Variants in CLIC2 observed in about 807,000 individuals in gnomAD.
The protein encoded by CLIC2 is CLIC family member 2, also known as chloride intracellular channel protein 2.
CLIC2 carries 9 observed loss-of-function variants against 14.8 expected under a neutral mutation model. That is an observed-to-expected ratio of 0.61 (90% CI 0.37 to 1.06). The LOEUF is 1.06. Ranked by LOEUF, CLIC2 falls within the 50% of genes least tolerant of loss-of-function variation. The pLI is 0.01. For synonymous variants in CLIC2, 61 were observed against 66.3 expected, an observed-to-expected ratio of 0.92 and a Z score of 0.39; for missense variants, 148 against 181.4, an observed-to-expected ratio of 0.82 and a Z score of 1.06.
At chrX:155,328,602 C>T (rs915738736) in intron 1 of CLIC2, among the ~76,000 whole-genome samples, 1 of 108,951 alleles carries the variant, frequency 9.2e-6, no homozygotes, top group Admixed American at 9.7e-5. Flanking sequence ...TTAATGCAAT[C>T]CCTATCAAAA....
chrX:155,326,818 G>GA (rs782344080), intron 1 of CLIC2, among the ~76,000 whole-genome samples: 3 of 110,482 alleles, frequency 2.7e-5, no homozygotes, highest in South Asian at 7.6e-4. Flanking sequence ...GCTGAGTGGG[G>GA]AAAAAAAAGA....
chrX:155,309,874 G>A (rs782112376), intron 1 of CLIC2, among the ~76,000 whole-genome samples: 10 of 111,637 alleles, frequency 9.0e-5, no homozygotes, highest in Admixed American at 3.8e-4. Flanking sequence ...CAAATCTCAT[G>A]TCTTCACATT....
At chrX:155,290,154 T>C (rs1557317439) in intron 3 of CLIC2, among the ~76,000 whole-genome samples, 1 of 112,272 alleles carries the variant, frequency 8.9e-6, no homozygotes, top group Admixed American at 9.5e-5. Flanking sequence ...TATGTTGAAC[T>C]CTTTTCTAGC....
intron 3 of CLIC2, among the ~76,000 whole-genome samples, chrX:155,287,838 C>A (rs1425265818): frequency 9.0e-6 from 1 of 111,715 alleles, no homozygotes; most frequent in Non-Finnish European, 1.9e-5. Context: ...TTGCTTTGGG[C>A]AGTATGGTCA....
intron 1 of CLIC2, among the ~76,000 whole-genome samples, chrX:155,325,583 A>C (rs1291373185): frequency 9.5e-6 from 1 of 105,167 alleles, no homozygotes; most frequent in Non-Finnish European, 2.0e-5. Context: ...CACTGGAGCC[A>C]GTTGCGGAGT....
intron 1 of CLIC2, among the ~76,000 whole-genome samples, chrX:155,319,661 G>T (rs909140901): frequency 9.0e-6 from 1 of 111,481 alleles, no homozygotes; most frequent in African/African-American, 3.3e-5. Flanking sequence ...CTAGCTGCAG[G>T]AGTTTTTTTT....
chrX:155,294,627 A>G (rs1411204399), intron 3 of CLIC2, among the ~76,000 whole-genome samples: 1 of 111,968 alleles, frequency 8.9e-6, no homozygotes, highest in Non-Finnish European at 1.9e-5. Context: ...AAATTGATAA[A>G]CTGCCAGCTA....
chrX:155,277,670 C>T lies in CLIC2; in HGVS notation c.*233G>A, dbSNP rs2074903248. 8.6e-6 allele frequency: 3 copies of T among 350,582 alleles called. No individual in the cohort carries two copies. The East Asian group carries it at 1.5e-4, about 18-fold the overall frequency. 28.9% of individuals were successfully genotyped at this position (350,582 alleles called of 1,213,427 possible). ...AGATTGTGATGCTTTCCATGTCATT[C>T]AGGATTGCAGTGGTTTGCCATACAG... is the stretch of plus-strand genomic sequence containing the variant. On this transcript the variant is annotated 3_prime_UTR_variant, in exon 6 of 6. Coordinates refer to ENST00000369449, the MANE Select transcript of CLIC2 (RefSeq NM_001289.6).
chrX:155,298,666 T>C, intron 3 of CLIC2, 119 bp downstream of exon 3: 9 of 785,925 alleles, frequency 1.1e-5, no homozygotes, highest in South Asian at 2.2e-5. Flanking sequence ...ATGTGTGTCA[T>C]TTGACATGTA....
chrX:155,309,674 G>C (rs1557320358), intron 1 of CLIC2: 1 of 170,227 alleles, frequency 5.9e-6, no homozygotes, highest in South Asian at 9.0e-5. Context: ...AGTGAAAGGG[G>C]CCCTTATAAA....
chrX:155,305,241 GC>G (rs1406592943), intron 1 of CLIC2, among the ~76,000 whole-genome samples: 2 of 112,321 alleles, frequency 1.8e-5, no homozygotes, highest in South Asian at 3.7e-4. Flanking sequence ...GACTCCGTGG[GC>G]GTGGGACCCT....
At position 155,304,833 on chromosome X, in the gene CLIC2, C is replaced by A. The variant is rs1261488242; in HGVS notation, c.58-5688G>T. Among the ~76,000 whole-genome samples, 4 of 82,110 alleles carry A rather than the reference C, an allele frequency of 4.9e-5. No homozygotes were observed. The East Asian group carries it at 1.3e-3, about 26-fold the overall frequency. The allele number at this position is 82,110 out of a possible 115,157, so 71.3% of individuals were successfully genotyped here. On this transcript the variant is annotated intron_variant, in intron 1 of 5. Coordinates refer to ENST00000369449, the MANE Select transcript of CLIC2 (RefSeq NM_001289.6). ...CTCAGCTGCAGGTCTGTTGGAGTAC[C>A]CTGCCGTGTGAGGTGTCAGTGTGCC...
chrX:155,318,749 CA>C (rs1427501949), intron 1 of CLIC2, among the ~76,000 whole-genome samples: 1 of 111,738 alleles, frequency 8.9e-6, no homozygotes, highest in African/African-American at 3.3e-5. Flanking sequence ...GCCCACATAG[CA>C]AAAGAAAGAC....
intron 1 of CLIC2, among the ~76,000 whole-genome samples, chrX:155,300,235 C>T (rs1352574687): frequency 1.8e-5 from 2 of 110,158 alleles, no homozygotes; most frequent in Non-Finnish European, 3.8e-5. Context: ...CTCTCCAGCA[C>T]CTGTTGTTTC....
intron 3 of CLIC2, among the ~76,000 whole-genome samples, chrX:155,296,651 T>C (rs1569561284): frequency 9.1e-6 from 1 of 110,105 alleles, no homozygotes; most frequent in Non-Finnish European, 1.9e-5. Context: ...AACTCAACAA[T>C]AAAAAAAATC....
intron 1 of CLIC2, among the ~76,000 whole-genome samples, chrX:155,301,523 C>A (rs2075017959): frequency 9.6e-6 from 1 of 104,550 alleles, no homozygotes; most frequent in Non-Finnish European, 2.0e-5. Context: ...GTCGTCTGCA[C>A]ACAGGGACAA....
chrX:155,333,846 A>C (rs782622225), intron 1 of CLIC2, among the ~76,000 whole-genome samples: 1 of 109,991 alleles, frequency 9.1e-6, no homozygotes, highest in Non-Finnish European at 1.9e-5. Flanking sequence ...CCCAGTGTCC[A>C]TGTGACCCTG....
intron 1 of CLIC2, among the ~76,000 whole-genome samples, chrX:155,328,693 C>T (rs1557322553): frequency 9.0e-6 from 1 of 110,851 alleles, no homozygotes; most frequent in Admixed American, 9.6e-5. Flanking sequence ...ATAGCCAAAG[C>T]TATCTCCTAA....
At chrX:155,321,101 A>C (rs368736422) in intron 1 of CLIC2, among the ~76,000 whole-genome samples, 2 of 112,196 alleles carry the variant, frequency 1.8e-5, no homozygotes, top group African/African-American at 6.5e-5. Context: ...GTGTACCTGA[A>C]AGTGACAGGG....
Sources: gnomAD v4.1 joint callset for allele counts (sites outside exome capture counted in the v4.1 genomes callset) on GRCh38, gnomAD v4.1.1 for gene constraint, MANE v1.5 for transcripts, NCBI Gene and HGNC (gene_info 2026-07-23, HGNC 2026-07-21) for gene names.